The following KCNH5 variants were observed in gnomAD, a reference collection of about 807,000 sequenced individuals.
KCNH5 encodes the protein potassium voltage-gated channel subfamily H member 5, also known as voltage-gated delayed rectifier potassium channel KCNH5.
In KCNH5, 46 loss-of-function variants were observed where a neutral mutation model predicts 96.1. That is an observed-to-expected ratio of 0.48 (90% confidence interval 0.38 to 0.61). The LOEUF (loss-of-function observed/expected upper bound fraction) is 0.61, where lower values mean the gene tolerates loss of function less well. Among genes scored for constraint, KCNH5 ranks in the 20% least tolerant of loss-of-function variants. The pLI, the probability that KCNH5 is intolerant of heterozygous loss-of-function variation, is 0.00. For missense variants in KCNH5, 907 were observed against 1,225.8 expected, an observed-to-expected ratio of 0.74 and a Z score of 3.88; for synonymous variants, 439 against 449.8, an observed-to-expected ratio of 0.98 and a Z score of 0.30.
chr14:62,732,691 T>C (rs1348183001), intron 10 of KCNH5, among the ~76,000 whole-genome samples: 2 of 152,170 alleles, frequency 1.3e-5, no homozygotes, highest in Non-Finnish European at 1.5e-5. Flanking sequence ...TACTTATTGC[T>C]TTGTTTTCAG....
chr14:63,010,666 G>A (rs1277653714), intron 2 of KCNH5, among the ~76,000 whole-genome samples: 2 of 152,166 alleles, frequency 1.3e-5, no homozygotes, highest in Admixed American at 6.6e-5. Flanking sequence ...GGCAGTTATC[G>A]TTCATGTGTG....
Position 62,980,894 on chromosome 14 carries a change from T to C in KCNH5, c.920A>G (p.Asn307Ser), listed in dbSNP as rs1366090934. The C allele has an allele frequency of 1.2e-6, 2 of 1,613,970 alleles. No individual in the cohort carries two copies. The highest frequency in any genetic ancestry group is 2.2e-5 in the East Asian group (1 of 44,870). Reference sequence around the variant, plus strand: ...TACCTCATCCACATTTTCAAAGGCATTGATGATGTCATAAGGTAAACAAGA... The same window carrying C: ...TACCTCATCCACATTTTCAAAGGCACTGATGATGTCATAAGGTAAACAAGA... ...LLSCLPYDII[N>S]AFENVDEGIS... Residue 307 changes from asparagine to serine, a missense_variant, in exon 6 of 11, where the codon AAT becomes AGT. Transcript: ENST00000322893.
intron 1 of KCNH5, among the ~76,000 whole-genome samples, chr14:63,030,655 C>T (rs1248276659): frequency 6.6e-6 from 1 of 152,126 alleles, no homozygotes; most frequent in African/African-American, 2.4e-5. Flanking sequence ...TTGAGTAGAA[C>T]CCAGGCATCA....
At chr14:63,004,926 G>T (rs966804429) in intron 3 of KCNH5, among the ~76,000 whole-genome samples, 1 of 152,176 alleles carries the variant, frequency 6.6e-6, no homozygotes, top group South Asian at 2.1e-4. Flanking sequence ...AATGACCTTA[G>T]TTATATAGAA....
chr14:62,858,665 C>T (rs1887975897), intron 7 of KCNH5, among the ~76,000 whole-genome samples: 1 of 152,106 alleles, frequency 6.6e-6, no homozygotes, highest in African/African-American at 2.4e-5. Flanking sequence ...ATCGCAGGAA[C>T]AGGAAGTGAA....
At chr14:62,775,167 A>C (rs541700672) in intron 10 of KCNH5, among the ~76,000 whole-genome samples, 10 of 152,340 alleles carry the variant, frequency 6.6e-5, no homozygotes, top group African/African-American at 1.9e-4. Flanking sequence ...ATAACACTGT[A>C]GTTGTCTAGC....
In KCNH5 at chr14:62,706,779, C is replaced by T. The variant is rs1365793439; in HGVS notation, c.*729G>A. 6.6e-6 allele frequency: 1 copy of T among 152,108 alleles called. No individual in the cohort carries two copies. Among genetic ancestry groups the T allele is most frequent in the Non-Finnish European group, 1.5e-5 (1 of 67,996 alleles). The allele number at this position is 152,108 out of a possible 1,614,324, so 9.4% of individuals were successfully genotyped here. On this transcript the variant is annotated 3_prime_UTR_variant, in exon 11 of 11. Transcript: ENST00000322893. ...GTATTTATGATGTTGATAATGTCAGCTTACAAGATGGCAGCTGTTCTCCAA... is the reference window on the plus strand; with the variant it reads ...GTATTTATGATGTTGATAATGTCAGTTTACAAGATGGCAGCTGTTCTCCAA...
rs534809835 is a variant in KCNH5, at chr14:62,997,584, T to C, written c.433+3747A>G. On this transcript the variant is annotated intron_variant, in intron 4 of 10. Transcript: ENST00000322893. The stretch of plus-strand genomic sequence containing the variant: ...GATAAACCCCACTTGGTTGTCATAA[T>C]TCTTTTTAGATATTGTTGGATCCAA... 7.2e-5 allele frequency among the ~76,000 whole-genome samples: 11 copies of C among 152,256 alleles called. No individual in the cohort carries two copies. In the South Asian group the frequency reaches 1.7e-3, roughly 23 times the overall value.
At chr14:62,750,859 T>C (rs1368374877) in intron 10 of KCNH5, among the ~76,000 whole-genome samples, 1 of 152,188 alleles carries the variant, frequency 6.6e-6, no homozygotes, top group Admixed American at 6.5e-5. Context: ...AATTACCTCA[T>C]GTTAACTGAC....
chr14:62,989,966 A>G (rs1890779607), intron 4 of KCNH5, among the ~76,000 whole-genome samples: 1 of 152,016 alleles, frequency 6.6e-6, no homozygotes, highest in East Asian at 1.9e-4. Flanking sequence ...GAATGTTATA[A>G]TTGCCTTGAC....
rs531363909 is a variant in KCNH5 at position 62,989,777 on chromosome 14, T to C, written c.434-2590A>G. ...CACCATAAAATAAATCAATTGTATT[T>C]GTAACTTTAAAAATCAGATATAAAA... On this transcript the variant is annotated intron_variant, in intron 4 of 10. Coordinates refer to ENST00000322893, the MANE Select transcript of KCNH5 (RefSeq NM_139318.5). 1.2e-4 allele frequency among the ~76,000 whole-genome samples: 18 copies of C among 152,240 alleles called. No individual in the cohort carries two copies. In the South Asian group the frequency reaches 3.5e-3, roughly 30 times the overall value.
intron 7 of KCNH5, among the ~76,000 whole-genome samples, chr14:62,915,895 C>T (rs913706788): frequency 3.2e-4 from 48 of 152,052 alleles, no homozygotes; most frequent in Admixed American, 1.7e-3. Flanking sequence ...AGTGACTTGC[C>T]AAAGTCACCT....
At chr14:62,797,519 T>TGTGAAGCATTTGACTTCTAACAGCAA (rs1167348177) in intron 9 of KCNH5, among the ~76,000 whole-genome samples, 1 of 152,174 alleles carries the variant, frequency 6.6e-6, no homozygotes, top group Non-Finnish European at 1.5e-5. Flanking sequence ...GGATTTAAAC[T>TGTGAAGCATTTGACTTCTAACAGCAA]GTGAAGCATT....
At chr14:62,810,868 C>T (rs1280333879) in intron 8 of KCNH5, among the ~76,000 whole-genome samples, 1 of 152,018 alleles carries the variant, frequency 6.6e-6, no homozygotes, top group Non-Finnish European at 1.5e-5. Context: ...TGTGGACTCG[C>T]CCTGAATTCT....
chr14:62,873,866 A>G (rs962472128), intron 7 of KCNH5, among the ~76,000 whole-genome samples: 1 of 152,160 alleles, frequency 6.6e-6, no homozygotes, highest in Non-Finnish European at 1.5e-5. Context: ...GCATGGCTCA[A>G]TTGATGGTCC....
chr14:62,899,424 A>G (rs1207285791), intron 7 of KCNH5, among the ~76,000 whole-genome samples: 1 of 152,124 alleles, frequency 6.6e-6, no homozygotes, highest in Non-Finnish European at 1.5e-5. Context: ...TGATCTCGCC[A>G]AAAAATAAAT....
At chr14:62,929,192 A>T (rs1889532827) in intron 7 of KCNH5, among the ~76,000 whole-genome samples, 2 of 137,806 alleles carry the variant, frequency 1.5e-5, no homozygotes, top group Admixed American at 1.4e-4. Flanking sequence ...TTTCTCTCTG[A>T]TTTTAACAAC....
At chr14:62,996,043 C>A (rs1890900773) in intron 4 of KCNH5, among the ~76,000 whole-genome samples, 1 of 152,146 alleles carries the variant, frequency 6.6e-6, no homozygotes, top group South Asian at 2.1e-4. Context: ...GATCTACACC[C>A]AAATTATTTT....
intron 6 of KCNH5, among the ~76,000 whole-genome samples, chr14:62,954,898 A>C (rs1413816251): frequency 6.6e-6 from 1 of 152,134 alleles, no homozygotes; most frequent in Non-Finnish European, 1.5e-5. Context: ...AGACTTATTC[A>C]CTACCACAAA....
Sources: allele counts gnomAD v4.1 joint callset (sites outside exome capture counted in the v4.1 genomes callset), GRCh38; gene constraint gnomAD v4.1.1; transcripts MANE v1.5; gene names NCBI Gene and HGNC (gene_info 2026-07-23, HGNC 2026-07-21).